The following CPQ variants were observed in gnomAD, a reference collection of about 807,000 sequenced individuals.
CPQ encodes the protein carboxypeptidase Q.
A neutral mutation model predicts 45.7 loss-of-function variants in CPQ; 37 were observed. The ratio of observed to expected loss-of-function variants is 0.81; its 90% CI spans 0.62 to 1.07. CPQ has a LOEUF of 1.07. CPQ is among the 50% of genes least tolerant of loss of function. The pLI, the probability that CPQ is intolerant of heterozygous loss-of-function variation, is 0.00. For synonymous variants in CPQ, 186 were observed against 205.8 expected (o/e 0.90, Z 0.82); for missense variants, 537 against 572.9 (o/e 0.94, Z 0.64).
chr8:96,665,431 G>T (rs973486185), intron 1 of CPQ, among the ~76,000 whole-genome samples: 1 of 152,180 alleles, frequency 6.6e-6, no homozygotes, highest in Admixed American at 6.5e-5. Flanking sequence ...GATTGAATAC[G>T]TGGGGAATGA....
At chr8:96,956,117 T>C (rs1442885658) in intron 4 of CPQ, among the ~76,000 whole-genome samples, 1 of 152,182 alleles carries the variant, frequency 6.6e-6, no homozygotes, top group African/African-American at 2.4e-5. Context: ...ATTTTTGCAA[T>C]CTACTTATCT....
At chr8:96,841,625 G>C (rs1340757742) in intron 3 of CPQ, among the ~76,000 whole-genome samples, 1 of 152,178 alleles carries the variant, frequency 6.6e-6, no homozygotes, top group Non-Finnish European at 1.5e-5. Flanking sequence ...AACTCATTGA[G>C]GTGGGAATGA....
At chr8:96,752,798 A>G (rs2130786607) in intron 1 of CPQ, among the ~76,000 whole-genome samples, 1 of 151,916 alleles carries the variant, frequency 6.6e-6, no homozygotes, top group African/African-American at 2.4e-5. Context: ...TCATGATATG[A>G]GGTTACATCC....
At chr8:96,718,552 C>A (rs771767756) in intron 1 of CPQ, among the ~76,000 whole-genome samples, 12 of 152,046 alleles carry the variant, frequency 7.9e-5, no homozygotes, top group Non-Finnish European at 1.6e-4. Flanking sequence ...CAGTGTGGAC[C>A]CAAAGAGTGA....
chr8:96,709,303 GC>G (rs1479969170), intron 1 of CPQ, among the ~76,000 whole-genome samples: 1 of 151,826 alleles, frequency 6.6e-6, no homozygotes, highest in African/African-American at 2.4e-5. Context: ...GTATGCCTTT[GC>G]ATACCTACAG....
At chr8:96,690,497 T>C (rs547371843) in intron 1 of CPQ, among the ~76,000 whole-genome samples, 11 of 152,348 alleles carry the variant, frequency 7.2e-5, no homozygotes, top group Non-Finnish European at 1.5e-4. Flanking sequence ...TTGCTTTCTT[T>C]AGTGCCAAGT....
chr8:96,945,445 AT>A (rs1813177329), intron 4 of CPQ, among the ~76,000 whole-genome samples: 1 of 152,148 alleles, frequency 6.6e-6, no homozygotes, highest in African/African-American at 2.4e-5. Flanking sequence ...GTTGTGTTCC[AT>A]TGATCTTAGC....
At chr8:96,723,264 A>G (rs1395692983) in intron 1 of CPQ, among the ~76,000 whole-genome samples, 1 of 152,168 alleles carries the variant, frequency 6.6e-6, no homozygotes, top group Non-Finnish European at 1.5e-5. Flanking sequence ...CACTGACATA[A>G]TTTTCTAAGA....
chr8:96,899,544 A>G (rs1405867908), intron 4 of CPQ, among the ~76,000 whole-genome samples: 1 of 152,130 alleles, frequency 6.6e-6, no homozygotes, highest in Non-Finnish European at 1.5e-5. Flanking sequence ...GAAGCTTACA[A>G]TCATGGTGAA....
chr8:96,831,346 TAAAC>T (rs1348692740), intron 2 of CPQ, among the ~76,000 whole-genome samples: 7 of 152,086 alleles, frequency 4.6e-5, no homozygotes, highest in Admixed American at 6.6e-5. Flanking sequence ...TAAAAAAAAT[TAAAC>T]AAGCTAAGAG....
chr8:96,758,506 G>A (rs1291506950), intron 1 of CPQ, among the ~76,000 whole-genome samples: 1 of 152,074 alleles, frequency 6.6e-6, no homozygotes, highest in East Asian at 1.9e-4. Context: ...TCTGATCTTT[G>A]GCTTTCTGTA....
intron 2 of CPQ, among the ~76,000 whole-genome samples, chr8:96,819,875 A>G (rs2130835871): frequency 6.6e-6 from 1 of 152,160 alleles, no homozygotes; most frequent in Non-Finnish European, 1.5e-5. Flanking sequence ...AAGAAATGCT[A>G]TAGAATCTTG....
chr8:96,899,842 A>G (rs1335012519), intron 4 of CPQ, among the ~76,000 whole-genome samples: 1 of 145,326 alleles, frequency 6.9e-6, no homozygotes, highest in Non-Finnish European at 1.6e-5. Context: ...ATATTCTAGC[A>G]TTAGGTATAC....
chr8:96,781,913 G>T (rs1390202059), intron 1 of CPQ, among the ~76,000 whole-genome samples: 1 of 152,176 alleles, frequency 6.6e-6, no homozygotes, highest in African/African-American at 2.4e-5. Flanking sequence ...GACAACAACA[G>T]TAAATCTTAA....
Position 97,122,981 on chromosome 8 carries a change from T to TAAAATA in CPQ, c.1256-20039_1256-20038insAAAATA, listed in dbSNP as rs1224428408. On this transcript the variant is annotated intron_variant, in intron 7 of 7. Transcript: ENST00000220763. ...TAAAATAAAATAAAATAAAATAAAA[T>TAAAATA]TAAAATAAAATAAAATAAAATATAA... 2.1e-3 allele frequency among the ~76,000 whole-genome samples: 52 copies of TAAAATA among 24,248 alleles called. 1 individual carries two copies. Among genetic ancestry groups the TAAAATA allele is most frequent in the African/African-American group, 3.4e-3 (14 of 4,136 alleles). 15.9% of individuals were successfully genotyped at this position (24,248 alleles called of 152,430 possible). A position where few individuals can be genotyped will look rare whatever the true frequency, so the allele number is the denominator to read the frequency against.
At chr8:96,657,137 G>A (rs1815647375) in intron 1 of CPQ, among the ~76,000 whole-genome samples, 1 of 152,064 alleles carries the variant, frequency 6.6e-6, no homozygotes, top group African/African-American at 2.4e-5. Flanking sequence ...ACGAGGTCAG[G>A]AGATTGAGAC....
chr8:97,039,931 C>T (rs560901031), intron 6 of CPQ, among the ~76,000 whole-genome samples: 2,073 of 151,612 alleles, frequency 0.014, 18 homozygotes, highest in South Asian at 0.05. Flanking sequence ...TGAATAGTGC[C>T]ACAATAAACA....
At chr8:97,007,331 C>T (rs1809401016) in intron 5 of CPQ, among the ~76,000 whole-genome samples, 1 of 152,164 alleles carries the variant, frequency 6.6e-6, no homozygotes, top group South Asian at 2.1e-4. Context: ...TAGTGTCCTC[C>T]CACGATGCCC....
chr8:96,831,921 TAGTC>T (rs1441359136), intron 2 of CPQ, among the ~76,000 whole-genome samples: 11 of 152,172 alleles, frequency 7.2e-5, no homozygotes, highest in Non-Finnish European at 1.3e-4. Flanking sequence ...TTCAGATTCT[TAGTC>T]AGTCTAGTCA....
Sources: gnomAD v4.1 joint callset for allele counts (sites outside exome capture counted in the v4.1 genomes callset) on GRCh38, gnomAD v4.1.1 for gene constraint, MANE v1.5 for transcripts, NCBI Gene and HGNC (gene_info 2026-07-23, HGNC 2026-07-21) for gene names.